Variants in EPC1 observed in about 807,000 individuals in gnomAD.
EPC1 encodes the protein enhancer of polycomb 1.
EPC1 carries 12 observed loss-of-function variants against 98.4 expected under a neutral mutation model. The ratio of observed to expected loss-of-function variants is 0.12; its 90% CI spans 0.08 to 0.20. The LOEUF is 0.20. EPC1 is among the 10% of genes least tolerant of loss of function. The pLI, the probability that EPC1 is intolerant of heterozygous loss-of-function variation, is 1.00. For synonymous variants in EPC1, 357 were observed against 363.9 expected (o/e 0.98, Z 0.21); for missense variants, 729 against 990.5 (o/e 0.74, Z 3.54).
At chr10:32,367,503 A>C (rs1839634414) in intron 1 of EPC1, among the ~76,000 whole-genome samples, 1 of 152,190 alleles carries the variant, frequency 6.6e-6, no homozygotes, top group Non-Finnish European at 1.5e-5. Flanking sequence ...TAATCATAAC[A>C]ACTCAAAATT....
intron 1 of EPC1, among the ~76,000 whole-genome samples, chr10:32,342,468 A>T (rs1264594953): frequency 6.6e-6 from 1 of 152,206 alleles, no homozygotes; most frequent in African/African-American, 2.4e-5. Context: ...TCCACTTCTT[A>T]TAAATAGTTC....
chr10:32,365,373 A>G (rs1265243684), intron 1 of EPC1, among the ~76,000 whole-genome samples: 4 of 152,218 alleles, frequency 2.6e-5, no homozygotes, highest in African/African-American at 7.2e-5. Flanking sequence ...TGATAGTTTC[A>G]CTAGAAAGTG....
chr10:32,317,012 A>C (rs1013336962), intron 1 of EPC1, among the ~76,000 whole-genome samples: 6 of 152,234 alleles, frequency 3.9e-5, no homozygotes, highest in East Asian at 3.8e-4. Flanking sequence ...TTCTCATTGT[A>C]AATTGTTAAA....
At chr10:32,272,816 G>C (rs1835904520) in intron 11 of EPC1, among the ~76,000 whole-genome samples, 1 of 152,162 alleles carries the variant, frequency 6.6e-6, no homozygotes, top group African/African-American at 2.4e-5. Flanking sequence ...CAGTTGGAGA[G>C]GTTATTTTTG....
intron 4 of EPC1, 138 bp from the exon 5 acceptor site, chr10:32,292,782 A>T (rs1834925891): frequency 9.8e-6 from 9 of 915,590 alleles, no homozygotes; most frequent in African/African-American, 3.5e-5. Context: ...ATCACCAGGA[A>T]ATCAATTTTG....
At chr10:32,310,412 C>T (rs1340071144) in intron 1 of EPC1, among the ~76,000 whole-genome samples, 2 of 152,148 alleles carry the variant, frequency 1.3e-5, no homozygotes, top group Non-Finnish European at 1.5e-5. Context: ...CAATGCATGG[C>T]AGCTAGTCTA....
intron 1 of EPC1, 139 bp from the exon 2 acceptor site, chr10:32,306,070 A>G (rs1432023004): frequency 1.4e-6 from 1 of 693,244 alleles, no homozygotes; most frequent in Non-Finnish European, 2.2e-6. Context: ...CATGTTGTTA[A>G]CACGATACAA....
At chr10:32,283,733 T>C (rs1836523613) in intron 10 of EPC1, 1 of 152,238 alleles carries the variant, frequency 6.6e-6, no homozygotes, top group Non-Finnish European at 1.5e-5. Context: ...GGACTGTTTA[T>C]GTTATTGGTA....
At chr10:32,375,317 T>A (rs899540897) in intron 1 of EPC1, among the ~76,000 whole-genome samples, 4 of 152,118 alleles carry the variant, frequency 2.6e-5, no homozygotes, top group Non-Finnish European at 5.9e-5. Context: ...TAGCATTTTA[T>A]GTTTGGTCAC....
At chr10:32,363,882 A>G (rs1441562997) in intron 1 of EPC1, among the ~76,000 whole-genome samples, 1 of 151,882 alleles carries the variant, frequency 6.6e-6, no homozygotes, top group Non-Finnish European at 1.5e-5. Context: ...TATCCTCTGT[A>G]TAATGGTCTT....
chr10:32,372,316 C>T (rs532486927), intron 1 of EPC1, among the ~76,000 whole-genome samples: 60 of 152,268 alleles, frequency 3.9e-4, no homozygotes, highest in Non-Finnish European at 7.1e-4. Context: ...AACAAAACCC[C>T]GCAAAATGTC....
rs1435153262 is a variant in EPC1 at position 32,291,208 on chromosome 10, A to G, written c.930T>C (p.Phe310=). The G allele has an allele frequency of 6.2e-7, 1 of 1,613,950 alleles. No homozygotes were observed. Among genetic ancestry groups the G allele is most frequent in the African/African-American group, 1.3e-5 (1 of 74,928 alleles). Residue 310 remains phenylalanine, a synonymous_variant, in exon 6 of 14, where the codon TTT becomes TTC. Transcript: ENST00000319778. ...PIIPITNSSQ[F]KHQEAMDVKE... ...TCACATCCATTGCTTCCTGGTGTTT[A>G]AATTGACTGCTATTAGTAATAGGGA...
intron 1 of EPC1, among the ~76,000 whole-genome samples, chr10:32,362,545 C>A (rs1173114911): frequency 1.3e-5 from 2 of 152,174 alleles, no homozygotes; most frequent in African/African-American, 4.8e-5. Context: ...TTCCTAAGGC[C>A]TCCCCGGAAG....
chr10:32,339,382 A>G (rs149982588), intron 1 of EPC1, among the ~76,000 whole-genome samples: 17 of 152,190 alleles, frequency 1.1e-4, no homozygotes, highest in Middle Eastern at 6.8e-3. Flanking sequence ...TTTTCCTATT[A>G]ATAATTACCT....
At chr10:32,346,051 G>A (rs554931330) in intron 1 of EPC1, among the ~76,000 whole-genome samples, 3 of 152,326 alleles carry the variant, frequency 2.0e-5, no homozygotes, top group South Asian at 4.1e-4. Flanking sequence ...TCTGGAGAGG[G>A]ATGGATACAA....
intron 10 of EPC1, among the ~76,000 whole-genome samples, chr10:32,276,045 T>C (rs951673414): frequency 6.6e-6 from 1 of 152,218 alleles, no homozygotes; most frequent in Non-Finnish European, 1.5e-5. Context: ...TGGACACTTT[T>C]GGCAAATAGT....
intron 1 of EPC1, among the ~76,000 whole-genome samples, chr10:32,375,374 T>C (rs892454013): frequency 1.3e-5 from 2 of 152,100 alleles, no homozygotes; most frequent in East Asian, 3.8e-4. Flanking sequence ...TACCCTACCA[T>C]TACCTATCAT....
intron 1 of EPC1, among the ~76,000 whole-genome samples, chr10:32,367,320 G>T (rs958131250): frequency 6.6e-6 from 1 of 152,120 alleles, no homozygotes; most frequent in Non-Finnish European, 1.5e-5. Flanking sequence ...GTAAAGACTG[G>T]CATGAGCCAC....
At chr10:32,368,172 T>A (rs2505360) in intron 1 of EPC1, among the ~76,000 whole-genome samples, 91,526 of 151,726 alleles carry the variant, frequency 0.6, 27,831 homozygotes, top group East Asian at 0.69. Context: ...AGTAGTTCTC[T>A]CTTTATTTAT....
Sources: gnomAD v4.1 joint callset for allele counts (sites outside exome capture counted in the v4.1 genomes callset) on GRCh38, gnomAD v4.1.1 for gene constraint, MANE v1.5 for transcripts, NCBI Gene and HGNC (gene_info 2026-07-23, HGNC 2026-07-21) for gene names.